Variants in GALNTL5 observed in about 807,000 individuals in gnomAD.
The protein encoded by GALNTL5 is polypeptide N-acetylgalactosaminyltransferase like 5.
In GALNTL5, 44 loss-of-function variants were observed where a neutral mutation model predicts 51.0. The observed-to-expected ratio is 0.86, with a 90% CI of 0.68 to 1.11. The LOEUF is 1.11. GALNTL5 is among the 50% of genes least tolerant of loss of function. GALNTL5 has a pLI of 0.00. For synonymous variants in GALNTL5, 192 were observed against 182.8 expected (o/e 1.05, Z -0.41); for missense variants, 528 against 531.8 (o/e 0.99, Z 0.07).
At chr7:151,957,763 C>T (rs1426200603) in intron 1 of GALNTL5, 1 of 152,014 alleles carries the variant, frequency 6.6e-6, no homozygotes, top group Non-Finnish European at 1.5e-5. Context: ...ATATATTTTA[C>T]AAATTCTGTG....
chr7:151,960,719 A>G (rs6464190), intron 1 of GALNTL5: 103,959 of 152,092 alleles, frequency 0.68, 35,778 homozygotes, highest in African/African-American at 0.76. Flanking sequence ...AGATCCCCAG[A>G]GAGGGGGACA....
chr7:152,003,001 G>C, intron 6 of GALNTL5, 38 bp downstream of exon 6: 1 of 1,582,242 alleles, frequency 6.3e-7, no homozygotes. Context: ...TATAGCATAC[G>C]TGTATTGAGA....
At chr7:152,001,822 A>G (rs932463540) in intron 5 of GALNTL5, among the ~76,000 whole-genome samples, 4 of 152,318 alleles carry the variant, frequency 2.6e-5, no homozygotes, top group South Asian at 2.1e-4. Flanking sequence ...GGTTATTGCC[A>G]TATTAAGTCT....
intron 3 of GALNTL5, among the ~76,000 whole-genome samples, chr7:151,977,036 A>G (rs1345052385): frequency 1.3e-5 from 2 of 152,230 alleles, no homozygotes; most frequent in Non-Finnish European, 2.9e-5. Flanking sequence ...AATTTCAGTA[A>G]GTAATGAGAA....
At chr7:152,003,428 T>A (rs1020334377) in intron 6 of GALNTL5, among the ~76,000 whole-genome samples, 5 of 152,242 alleles carry the variant, frequency 3.3e-5, no homozygotes, top group African/African-American at 1.2e-4. Context: ...TACATTAAGA[T>A]GGCCCTCAGT....
chr7:151,962,620 T>TGTAG (rs2081006832), intron 1 of GALNTL5, among the ~76,000 whole-genome samples: 1 of 150,854 alleles, frequency 6.6e-6, no homozygotes, highest in African/African-American at 2.4e-5. Flanking sequence ...TTTGTTTGTT[T>TGTAG]GTTTAATAGA....
chr7:151,993,551 G>A (rs1026410619), intron 5 of GALNTL5, among the ~76,000 whole-genome samples: 1 of 152,006 alleles, frequency 6.6e-6, no homozygotes, highest in Non-Finnish European at 1.5e-5. Context: ...AAACTGTATT[G>A]TGGTCAGAAA....
chr7:151,960,672 C>G (rs1408584960), intron 1 of GALNTL5: 5 of 152,342 alleles, frequency 3.3e-5, no homozygotes, highest in Non-Finnish European at 7.3e-5. Context: ...CCCAGATAGA[C>G]AAGGGAGCTG....
chr7:152,010,363 G>A lies in GALNTL5; in HGVS notation c.1026+2419G>A, dbSNP rs181464157. ...TCTGACCTTGTGATCCGCCTGCCTC[G>A]GCCTCCCAAAGTGCTGGGATTACAG... On this transcript the variant is annotated intron_variant, in intron 7 of 8. Transcript: ENST00000392800. 4.9e-4 allele frequency among the ~76,000 whole-genome samples: 74 copies of A among 152,190 alleles called. 2 individuals are homozygous for A. Among genetic ancestry groups the A allele is most frequent in the Admixed American group, 4.4e-3 (67 of 15,278 alleles).
chr7:151,964,496 A>T (rs2081031966), intron 1 of GALNTL5, among the ~76,000 whole-genome samples: 1 of 152,068 alleles, frequency 6.6e-6, no homozygotes, highest in South Asian at 2.1e-4. Context: ...TGGTTCTATC[A>T]GGGGGAATTT....
intron 3 of GALNTL5, 83 bp from the exon 4 acceptor site, chr7:151,982,903 A>G (rs780339117): frequency 1.2e-6 from 2 of 1,609,996 alleles, no homozygotes; most frequent in Non-Finnish European, 1.7e-6. Context: ...AAAGATGCAA[A>G]TAAGGAGAAG....
chr7:151,972,651 G>T (rs1297745953), intron 3 of GALNTL5, among the ~76,000 whole-genome samples: 1 of 152,152 alleles, frequency 6.6e-6, no homozygotes, highest in Non-Finnish European at 1.5e-5. Flanking sequence ...GGCCAAAAGG[G>T]ACCAAAGTAC....
In GALNTL5 at chr7:152,019,647, A is replaced by T. The variant is rs765757078; in HGVS notation, c.1178A>T (p.Glu393Val). The change falls in exon 9 of 9, where the codon GAG (glutamate) becomes GTG (valine). Residue 393 changes from glutamate to valine, a missense_variant and splice_region_variant. Physicochemically the swap from Glu to Val is moderately radical, Grantham distance 121. Coordinates refer to ENST00000392800, the MANE Select transcript of GALNTL5 (RefSeq NM_145292.4). ...GACTGACTCTATATTTTCATTTAGG[A>T]GCAGTTTTTTCTTCGAAAGCCTGGT... Reference protein sequence around the residue: ...LVHVWLDEYKEQFFLRKPGLK... With the variant: ...LVHVWLDEYKVQFFLRKPGLK... 3.1e-6 allele frequency: 5 copies of T among 1,609,176 alleles called. No individual in the cohort carries two copies. The South Asian group carries it at 5.5e-5, about 18-fold the overall frequency.
At chr7:151,985,219 A>T (rs1201389353) in intron 4 of GALNTL5, among the ~76,000 whole-genome samples, 1 of 152,184 alleles carries the variant, frequency 6.6e-6, no homozygotes, top group African/African-American at 2.4e-5. Flanking sequence ...TGGTGGGGAC[A>T]CAAACATACC....
In GALNTL5 at chr7:152,019,826, A is replaced by C; in HGVS notation, c.*25A>C. The C allele has an allele frequency of 6.3e-7, 1 of 1,593,082 alleles. No individual in the cohort carries two copies. Among genetic ancestry groups the C allele is most frequent in the Non-Finnish European group, 8.6e-7 (1 of 1,165,292 alleles). ...AAAGGAAAACAAATCACTTTCATTAATAAAGGGTTAAAAGTCTCCTAGTCA... is the reference window on the plus strand; with the variant it reads ...AAAGGAAAACAAATCACTTTCATTACTAAAGGGTTAAAAGTCTCCTAGTCA... On this transcript the variant is annotated 3_prime_UTR_variant, in exon 9 of 9. Transcript: ENST00000392800.
chr7:151,960,902 A>C (rs2080983910), intron 1 of GALNTL5, among the ~76,000 whole-genome samples: 1 of 152,180 alleles, frequency 6.6e-6, no homozygotes, highest in Non-Finnish European at 1.5e-5. Flanking sequence ...TTGAGGGGAC[A>C]ATGTCCTATT....
intron 8 of GALNTL5, among the ~76,000 whole-genome samples, chr7:152,016,541 A>T (rs1183333810): frequency 6.6e-6 from 1 of 152,244 alleles, no homozygotes; most frequent in East Asian, 1.9e-4. Flanking sequence ...AAAGTAAAAG[A>T]TCTGAATACC....
chr7:151,985,579 C>A (rs573588609), intron 4 of GALNTL5, among the ~76,000 whole-genome samples: 40 of 152,200 alleles, frequency 2.6e-4, no homozygotes, highest in Non-Finnish European at 3.4e-4. Context: ...GCCCAGGGAA[C>A]TGCTCCCACT....
chr7:152,013,787 C>T (rs1490448589), intron 7 of GALNTL5, among the ~76,000 whole-genome samples: 1 of 152,156 alleles, frequency 6.6e-6, no homozygotes, highest in Admixed American at 6.5e-5. Flanking sequence ...CGTGAGTTTA[C>T]ATATATACCT....
Sources: gnomAD v4.1 joint callset for allele counts (sites outside exome capture counted in the v4.1 genomes callset) on GRCh38, gnomAD v4.1.1 for gene constraint, MANE v1.5 for transcripts, NCBI Gene and HGNC (gene_info 2026-07-23, HGNC 2026-07-21) for gene names.